Variants in SP4 observed in about 807,000 individuals in gnomAD.
SP4 encodes the protein transcription factor Sp4.
A neutral mutation model predicts 72.8 loss-of-function variants in SP4; 19 were observed. The observed-to-expected ratio is 0.26, with a 90% CI of 0.18 to 0.38. SP4 has a LOEUF of 0.38. Ranked by LOEUF, SP4 falls within the 10% of genes least tolerant of loss-of-function variation. The pLI is 1.00. For synonymous variants in SP4, 395 were observed against 333.1 expected (o/e 1.19, Z -2.02); for missense variants, 1,008 against 926.3 (o/e 1.09, Z -1.14).
intron 3 of SP4, among the ~76,000 whole-genome samples, chr7:21,449,446 T>C (rs962664607): frequency 1.3e-5 from 2 of 152,190 alleles, no homozygotes; most frequent in Non-Finnish European, 2.9e-5. Flanking sequence ...CAAAGAATCT[T>C]ATTATTAAGA....
intron 5 of SP4, among the ~76,000 whole-genome samples, chr7:21,485,333 T>TA (rs1368370599): frequency 6.6e-6 from 1 of 151,926 alleles, no homozygotes; most frequent in Non-Finnish European, 1.5e-5. Context: ...GTTTGCTTTT[T>TA]AAAAAAATTT....
intron 4 of SP4, among the ~76,000 whole-genome samples, chr7:21,480,312 T>A (rs1221397293): frequency 6.6e-6 from 1 of 152,204 alleles, no homozygotes; most frequent in African/African-American, 2.4e-5. Context: ...TGGTATTAAT[T>A]CTTTAAATGT....
chr7:21,486,846 T>A (rs912919629), intron 5 of SP4, among the ~76,000 whole-genome samples: 2 of 152,200 alleles, frequency 1.3e-5, no homozygotes, highest in African/African-American at 4.8e-5. Flanking sequence ...GGGAGAAGTA[T>A]CGAAGAATTT....
At chr7:21,444,477 A>G (rs933176292) in intron 3 of SP4, among the ~76,000 whole-genome samples, 23 of 152,316 alleles carry the variant, frequency 1.5e-4, no homozygotes, top group South Asian at 6.2e-4. Flanking sequence ...ACTGAGGCCT[A>G]TAGAGGTTAA....
chr7:21,453,950 CA>C (rs1477710038), intron 3 of SP4, among the ~76,000 whole-genome samples: 3 of 151,970 alleles, frequency 2.0e-5, no homozygotes, highest in African/African-American at 4.8e-5. Flanking sequence ...TAAACTAGGC[CA>C]AAAAAATCTA....
intron 3 of SP4, among the ~76,000 whole-genome samples, chr7:21,459,856 C>G (rs1347799677): frequency 6.6e-6 from 1 of 152,152 alleles, no homozygotes; most frequent in Non-Finnish European, 1.5e-5. Context: ...AGGCTAAGTT[C>G]TGAGAGCATA....
At chr7:21,433,033 G>A (rs1026905217) in intron 3 of SP4, among the ~76,000 whole-genome samples, 1 of 152,140 alleles carries the variant, frequency 6.6e-6, no homozygotes, top group Admixed American at 6.5e-5. Flanking sequence ...TCAAGTGTCT[G>A]GTCATCAGCA....
chr7:21,464,100 C>G (rs1457288559), intron 3 of SP4, among the ~76,000 whole-genome samples: 2 of 149,734 alleles, frequency 1.3e-5, no homozygotes, highest in East Asian at 2.0e-4. Flanking sequence ...ATATCTGATT[C>G]ATTCCCTTGT....
intron 5 of SP4, among the ~76,000 whole-genome samples, chr7:21,497,788 A>T (rs1159967301): frequency 6.6e-6 from 1 of 152,208 alleles, no homozygotes. Context: ...TAAATAGCCT[A>T]AATAAAGCAT....
At chr7:21,465,179 T>G (rs1784129504) in intron 3 of SP4, among the ~76,000 whole-genome samples, 1 of 152,114 alleles carries the variant, frequency 6.6e-6, no homozygotes, top group African/African-American at 2.4e-5. Flanking sequence ...GGTGTATATC[T>G]TTGTTTTCCT....
intron 4 of SP4, among the ~76,000 whole-genome samples, chr7:21,478,377 T>A (rs796660884): frequency 8.5e-5 from 13 of 152,368 alleles, no homozygotes; most frequent in African/African-American, 3.1e-4. Flanking sequence ...TGTATTTATA[T>A]GAAATTACCT....
Position 21,428,881 on chromosome 7 carries a change from A to G in SP4, c.123+89A>G, listed in dbSNP as rs114547359. ...TTTGAATGTCCAGAAGTAACAGAAT[A>G]AAATGTTTATCCACTCAAAGCATCT... is the stretch of plus-strand genomic sequence containing the variant. On this transcript the variant is annotated intron_variant, in intron 2 of 5. Transcript: ENST00000222584. 1,591 of 1,022,208 alleles carry G rather than the reference A, an allele frequency of 1.6e-3. 16 individuals are homozygous for G. In the African/African-American group the frequency reaches 0.023, roughly 15 times the overall value. 63.3% of individuals were successfully genotyped at this position (1,022,208 alleles called of 1,614,324 possible).
chr7:21,461,598 G>A (rs1375287569), intron 3 of SP4, among the ~76,000 whole-genome samples: 3 of 152,268 alleles, frequency 2.0e-5, no homozygotes, highest in South Asian at 2.1e-4. Flanking sequence ...AACACCGCGC[G>A]CAGCCCCGGT....
intron 5 of SP4, among the ~76,000 whole-genome samples, chr7:21,484,761 A>G (rs569220564): frequency 2.0e-5 from 3 of 152,032 alleles, no homozygotes; most frequent in African/African-American, 7.2e-5. Flanking sequence ...GGAACCTCAC[A>G]TTATGATTGC....
chr7:21,439,108 C>T (rs1254456780), intron 3 of SP4, among the ~76,000 whole-genome samples: 1 of 152,114 alleles, frequency 6.6e-6, no homozygotes. Flanking sequence ...CATATTCCCC[C>T]CTCTGATAAG....
intron 3 of SP4, among the ~76,000 whole-genome samples, chr7:21,474,812 A>C (rs1312338806): frequency 6.6e-6 from 1 of 152,194 alleles, no homozygotes; most frequent in Non-Finnish European, 1.5e-5. Context: ...GCTAATTCAA[A>C]GGTGTACAAA....
At chr7:21,491,614 A>G (rs776841205) in intron 5 of SP4, among the ~76,000 whole-genome samples, 8 of 152,234 alleles carry the variant, frequency 5.3e-5, no homozygotes, top group Non-Finnish European at 8.8e-5. Context: ...AATCTGCTGT[A>G]AATCAAAGAT....
chr7:21,487,590 C>A (rs895864113), intron 5 of SP4, among the ~76,000 whole-genome samples: 1 of 151,782 alleles, frequency 6.6e-6, no homozygotes, highest in Admixed American at 6.6e-5. Flanking sequence ...GCATTTTGTT[C>A]TCATTGTATG....
chr7:21,430,964 C>T (rs573224969), intron 3 of SP4, 121 bp downstream of exon 3: 2 of 672,902 alleles, frequency 3.0e-6, no homozygotes, highest in East Asian at 5.3e-5. Flanking sequence ...CATAAGGAAC[C>T]AGAAATAGCA....
Sources: allele counts gnomAD v4.1 joint callset (sites outside exome capture counted in the v4.1 genomes callset), GRCh38; gene constraint gnomAD v4.1.1; transcripts MANE v1.5; gene names NCBI Gene and HGNC (gene_info 2026-07-23, HGNC 2026-07-21).